The following AFAP1L2 variants were observed in gnomAD, a reference collection of about 807,000 sequenced individuals.
The protein encoded by AFAP1L2 is actin filament-associated protein 1-like 2.
AFAP1L2 carries 46 observed loss-of-function variants against 99.3 expected under a neutral mutation model. The ratio of observed to expected loss-of-function variants is 0.46; its 90% CI spans 0.37 to 0.59. The LOEUF is 0.59. Ranked by LOEUF, AFAP1L2 falls within the 20% of genes least tolerant of loss-of-function variation. The probability of loss-of-function intolerance (pLI) is 0.00; values close to 1 mark genes in which losing one functional copy is unlikely to be tolerated. For missense variants in AFAP1L2, 959 were observed against 1,034.9 expected, an observed-to-expected ratio of 0.93 and a Z score of 1.01; for synonymous variants, 397 against 419.1, an observed-to-expected ratio of 0.95 and a Z score of 0.64.
At chr10:114,327,382 G>T (rs1205379038) in intron 4 of AFAP1L2, among the ~76,000 whole-genome samples, 1 of 151,388 alleles carries the variant, frequency 6.6e-6, no homozygotes, top group Non-Finnish European at 1.5e-5. Flanking sequence ...TCAAACTCCT[G>T]ACCTCAGGTG....
At chr10:114,387,381 A>G (rs1301145467) in intron 1 of AFAP1L2, among the ~76,000 whole-genome samples, 1 of 152,240 alleles carries the variant, frequency 6.6e-6, no homozygotes, top group Non-Finnish European at 1.5e-5. Flanking sequence ...GAAAGAGGAA[A>G]CAGCTCTCCT....
chr10:114,340,671 A>G lies in AFAP1L2; in HGVS notation c.77T>C (p.Leu26Pro). The G allele has an allele frequency of 6.2e-7, 1 of 1,614,202 alleles. No homozygotes were observed. Among genetic ancestry groups the G allele is most frequent in the Non-Finnish European group, 8.5e-7 (1 of 1,180,028 alleles). ...CTTCTTCACCAGTGCTGTGCTGCTCAGGTTCTCCTGGTCAAGAATCTTGAG... is the reference window on the plus strand; with the variant it reads ...CTTCTTCACCAGTGCTGTGCTGCTCGGGTTCTCCTGGTCAAGAATCTTGAG... ...DFLKILDQEN[L>P]SSTALVKKSC... The change falls in exon 2 of 19, where the codon CTG (leucine) becomes CCG (proline). Residue 26 changes from leucine (L) to proline (P), a missense_variant. Leu to Pro is a moderately conservative substitution (Grantham distance 98). Transcript: ENST00000304129.
In AFAP1L2 at chr10:114,324,439, A is replaced by G. The variant is rs564626273; in HGVS notation, c.316-1178T>C. Reference sequence around the variant, plus strand: ...GCTAATTTTTGTATTTTTAGCAGAGATGGGGTTTCATCATGTTGGCCAGGC... The same window carrying G: ...GCTAATTTTTGTATTTTTAGCAGAGGTGGGGTTTCATCATGTTGGCCAGGC... On this transcript the variant is annotated intron_variant, in intron 4 of 18. Transcript: ENST00000304129. 3.6e-5 allele frequency among the ~76,000 whole-genome samples: 5 copies of G among 139,068 alleles called. No homozygotes were observed. In the East Asian group the frequency reaches 1.0e-3, roughly 28 times the overall value. 91.2% of individuals were successfully genotyped at this position (139,068 alleles called of 152,430 possible). A position where few individuals can be genotyped will look rare whatever the true frequency, so the allele number is the denominator to read the frequency against.
chr10:114,380,868 T>C (rs1242945962), intron 1 of AFAP1L2, among the ~76,000 whole-genome samples: 1 of 152,232 alleles, frequency 6.6e-6, no homozygotes, highest in African/African-American at 2.4e-5. Flanking sequence ...ATTACAAAAG[T>C]ACAGAAGCGA....
intron 1 of AFAP1L2, chr10:114,393,557 A>C (rs187939492): frequency 1.3e-5 from 2 of 152,206 alleles, no homozygotes; most frequent in Admixed American, 1.3e-4. Flanking sequence ...AGCCTCTTTC[A>C]TCGTGAGTAG....
chr10:114,302,232 T>C, intron 12 of AFAP1L2, 107 bp downstream of exon 12: 1 of 1,465,396 alleles, frequency 6.8e-7, no homozygotes, highest in African/African-American at 1.4e-5. Flanking sequence ...CTGGGCAGAG[T>C]GGGGTGGGAC....
At chr10:114,346,162 CA>C (rs2049532258) in intron 1 of AFAP1L2, among the ~76,000 whole-genome samples, 1 of 152,130 alleles carries the variant, frequency 6.6e-6, no homozygotes, top group African/African-American at 2.4e-5. Context: ...GAGAGAGAGT[CA>C]AAAGGGAAGG....
chr10:114,299,518 A>G, intron 15 of AFAP1L2, 103 bp from the exon 16 acceptor site: 1 of 1,440,066 alleles, frequency 6.9e-7, no homozygotes, highest in South Asian at 1.3e-5. Flanking sequence ...CTTTGGCACA[A>G]AGCCCTGCTA....
the AFAP1L2 span, among the ~76,000 whole-genome samples, chr10:114,288,086 A>G: frequency 6.6e-6 from 1 of 151,946 alleles, no homozygotes; most frequent in African/African-American, 2.4e-5. Context: ...ATAAAACCCA[A>G]ACTCCTTCCC....
intron 1 of AFAP1L2, among the ~76,000 whole-genome samples, chr10:114,348,763 A>G (rs544314047): frequency 9.9e-5 from 15 of 152,172 alleles, no homozygotes; most frequent in African/African-American, 3.6e-4. Context: ...AAGAATCCTG[A>G]TGCCTGGGTG....
At position 114,333,210 on chromosome 10, in the gene AFAP1L2, C is replaced by T; in HGVS notation, c.220+11G>A. 6.2e-7 allele frequency: 1 copy of T among 1,611,504 alleles called. No individual in the cohort carries two copies. The highest frequency in any genetic ancestry group is 8.5e-7 in the Non-Finnish European group (1 of 1,178,518). On this transcript the variant is annotated intron_variant, in intron 3 of 18. Transcript: ENST00000304129. The stretch of plus-strand genomic sequence containing the variant: ...GCCATCATACCAGCGTCAGTGATCC[C>T]AGCCTCATACCTTTGCCTTGAGACT...
At chr10:114,371,663 G>T (rs991064531) in intron 1 of AFAP1L2, among the ~76,000 whole-genome samples, 2 of 152,082 alleles carry the variant, frequency 1.3e-5, no homozygotes, top group Non-Finnish European at 2.9e-5. Flanking sequence ...CCTGTTGTGG[G>T]GTGGGGGGCT....
chr10:114,399,299 T>C (rs902204815), intron 1 of AFAP1L2, among the ~76,000 whole-genome samples: 1 of 152,214 alleles, frequency 6.6e-6, no homozygotes, highest in African/African-American at 2.4e-5. Context: ...TTAATGAGGC[T>C]ATCCCAAGAG....
chr10:114,302,286 A>T, intron 12 of AFAP1L2, 53 bp downstream of exon 12: 2 of 1,611,652 alleles, frequency 1.2e-6, no homozygotes, highest in Non-Finnish European at 1.7e-6. Context: ...CCCAGGGCCT[A>T]CAGCATGGCC....
intron 1 of AFAP1L2, among the ~76,000 whole-genome samples, chr10:114,373,570 A>G (rs2054408010): frequency 6.6e-6 from 1 of 152,162 alleles, no homozygotes; most frequent in Non-Finnish European, 1.5e-5. Context: ...GGTTGCAGTG[A>G]GCGGGGATTG....
At chr10:114,328,265 G>A (rs915602866) in intron 4 of AFAP1L2, among the ~76,000 whole-genome samples, 7 of 152,304 alleles carry the variant, frequency 4.6e-5, no homozygotes, top group East Asian at 1.9e-4. Context: ...ATCTGGGCTC[G>A]TGGCCGATAA....
intron 1 of AFAP1L2, among the ~76,000 whole-genome samples, chr10:114,370,765 G>A (rs986760463): frequency 3.9e-5 from 6 of 152,182 alleles, no homozygotes; most frequent in African/African-American, 1.4e-4. Context: ...ATTCTGCGGA[G>A]GGGACCTGTG....
At chr10:114,369,139 T>G (rs963916418) in intron 1 of AFAP1L2, among the ~76,000 whole-genome samples, 11 of 152,106 alleles carry the variant, frequency 7.2e-5, no homozygotes, top group Admixed American at 5.2e-4. Flanking sequence ...TGGCTGGGTG[T>G]GAAAAATCAC....
intron 1 of AFAP1L2, among the ~76,000 whole-genome samples, chr10:114,383,243 C>A (rs893112666): frequency 1.1e-4 from 16 of 152,192 alleles, no homozygotes; most frequent in African/African-American, 3.6e-4. Flanking sequence ...TGAGGGACTT[C>A]CTTTTTGCTG....
Sources: gnomAD v4.1 joint callset for allele counts (sites outside exome capture counted in the v4.1 genomes callset) on GRCh38, gnomAD v4.1.1 for gene constraint, MANE v1.5 for transcripts, NCBI Gene and HGNC (gene_info 2026-07-23, HGNC 2026-07-21) for gene names.